CEP85L: variants seen among roughly 807,000 people sequenced by gnomAD.
The protein encoded by CEP85L is centrosomal protein of 85 kDa-like.
In CEP85L, 60 loss-of-function variants were observed where a neutral mutation model predicts 100.3. That is an observed-to-expected ratio of 0.60 (90% CI 0.49 to 0.74). The LOEUF is 0.74. Among genes scored for constraint, CEP85L ranks in the 30% least tolerant of loss-of-function variants. CEP85L has a pLI of 0.00. For missense variants in CEP85L, 973 were observed against 936.2 expected (o/e 1.04, Z -0.51); for synonymous variants, 319 against 322.7 (o/e 0.99, Z 0.12).
At chr6:118,550,999 T>C (rs1395509130) in intron 3 of CEP85L, among the ~76,000 whole-genome samples, 2 of 151,740 alleles carry the variant, frequency 1.3e-5, no homozygotes, top group Non-Finnish European at 3.0e-5. Context: ...TTAAAAAAAA[T>C]AACACACCCC....
upstream of CEP85L, chr6:118,652,430 C>G: frequency 8.6e-7 from 1 of 1,161,422 alleles, no homozygotes; most frequent in Non-Finnish European, 1.1e-6. Flanking sequence ...GGTGATGCTT[C>G]CAACGTTTAG....
intron 1 of CEP85L, among the ~76,000 whole-genome samples, chr6:118,689,783 T>C (rs1381256282): frequency 6.6e-6 from 1 of 152,196 alleles, no homozygotes; most frequent in Non-Finnish European, 1.5e-5. Flanking sequence ...AGAGATGAAT[T>C]GCAATAGTGA....
At chr6:118,489,428 A>T (rs1316410460) in intron 6 of CEP85L, among the ~76,000 whole-genome samples, 1 of 152,206 alleles carries the variant, frequency 6.6e-6, no homozygotes, top group East Asian at 1.9e-4. Flanking sequence ...AAAGCATAAG[A>T]AAGTACAGTT....
intron 2 of CEP85L, among the ~76,000 whole-genome samples, chr6:118,593,600 C>T (rs1781307734): frequency 1.3e-5 from 2 of 151,820 alleles, no homozygotes; most frequent in Admixed American, 1.3e-4. Context: ...CAATCACCTC[C>T]CACCAGGCCC....
At chr6:118,638,826 A>G (rs771910378) in intron 1 of CEP85L, among the ~76,000 whole-genome samples, 1 of 152,162 alleles carries the variant, frequency 6.6e-6, no homozygotes, top group Non-Finnish European at 1.5e-5. Flanking sequence ...GATTAGCATT[A>G]AATAAAAAAG....
intron 10 of CEP85L, among the ~76,000 whole-genome samples, chr6:118,477,344 T>C (rs1478137492): frequency 6.6e-6 from 1 of 152,166 alleles, no homozygotes; most frequent in African/African-American, 2.4e-5. Context: ...ACAAATATAG[T>C]ATAACTAGTA....
In CEP85L at chr6:118,680,681, G is replaced by A. The variant is rs553867708; in HGVS notation, c.-27-27873C>T. On this transcript the variant is annotated intron_variant, in intron 1 of 13. Transcript: ENST00000368488. The stretch of plus-strand genomic sequence containing the variant: ...AGCTTCAGCCCAGGAGTTGGAGACC[G>A]GCCTGGGCAACATGGCAAAACCCTG... Among the ~76,000 whole-genome samples the A allele has an allele frequency of 6.3e-4, 96 of 151,384 alleles. No homozygotes were observed. In the South Asian group the frequency reaches 0.011, roughly 17 times the overall value.
intron 1 of CEP85L, among the ~76,000 whole-genome samples, chr6:118,702,107 A>C (rs1777430581): frequency 6.6e-6 from 1 of 151,964 alleles, no homozygotes; most frequent in Non-Finnish European, 1.5e-5. Context: ...ACTTTGGAAT[A>C]GTAGGGCTTT....
intron 1 of CEP85L, among the ~76,000 whole-genome samples, chr6:118,680,815 G>A (rs2638544): frequency 0.45 from 68,691 of 151,612 alleles, 16,194 homozygotes; most frequent in African/African-American, 0.57. Flanking sequence ...GGTCGAGGCT[G>A]CAGTGAGCCA....
At chr6:118,512,587 C>T (rs1197810276) in intron 4 of CEP85L, among the ~76,000 whole-genome samples, 1 of 151,942 alleles carries the variant, frequency 6.6e-6, no homozygotes, top group Admixed American at 6.6e-5. Flanking sequence ...GCCAGAGATG[C>T]TACTAAATGT....
intron 3 of CEP85L, 100 bp from the exon 4 acceptor site, chr6:118,524,020 C>A: frequency 2.1e-6 from 1 of 482,366 alleles, no homozygotes; most frequent in Non-Finnish European, 3.5e-6. Flanking sequence ...AAAAAAAGAA[C>A]TCCCTCTTTG....
intron 2 of CEP85L, among the ~76,000 whole-genome samples, chr6:118,602,698 T>C (rs1781845528): frequency 6.6e-6 from 1 of 152,242 alleles, no homozygotes; most frequent in South Asian, 2.1e-4. Context: ...GTAAGACCGA[T>C]ATGCTTTATA....
At position 118,622,847 on chromosome 6, in the gene CEP85L, G is replaced by A. The variant is rs143768654; in HGVS notation, c.232+9606C>T. On this transcript the variant is annotated intron_variant, in intron 2 of 12. Transcript: ENST00000368491. ...GGAGAAGCAGCAGAAGGAAACTGCC[G>A]AGGAGATGCTGAGGCCAAAACTGCT... Among the ~76,000 whole-genome samples, 151 of 152,326 alleles carry A rather than the reference G, an allele frequency of 9.9e-4. 1 individual carries two copies. The highest frequency in any genetic ancestry group is 3.5e-3 in the African/African-American group (145 of 41,568).
intron 2 of CEP85L, among the ~76,000 whole-genome samples, chr6:118,626,090 G>A (rs1773772798): frequency 6.6e-6 from 1 of 152,146 alleles, no homozygotes; most frequent in Non-Finnish European, 1.5e-5. Context: ...GGGGTGTCCT[G>A]TTTAGAGGGG....
intron 3 of CEP85L, among the ~76,000 whole-genome samples, chr6:118,546,758 G>A (rs1238814110): frequency 6.6e-6 from 1 of 151,868 alleles, no homozygotes; most frequent in Non-Finnish European, 1.5e-5. Flanking sequence ...AATCATCATT[G>A]GTAACTGATA....
At chr6:118,533,972 A>T (rs1396045131) in intron 3 of CEP85L, among the ~76,000 whole-genome samples, 1 of 151,786 alleles carries the variant, frequency 6.6e-6, no homozygotes. Flanking sequence ...GCTCATGCCT[A>T]TAATCCCAGC....
intron 5 of CEP85L, chr6:118,501,472 T>G (rs1379581219): frequency 5.0e-5 from 21 of 418,644 alleles, no homozygotes. Flanking sequence ...AAGATCCAAG[T>G]GCTCTTTTCG....
At chr6:118,686,228 G>A (rs558898303) in intron 1 of CEP85L, among the ~76,000 whole-genome samples, 12 of 151,620 alleles carry the variant, frequency 7.9e-5, no homozygotes, top group East Asian at 1.9e-4. Context: ...CTTTATTGAC[G>A]TATCATTTAA....
intron 5 of CEP85L, among the ~76,000 whole-genome samples, chr6:118,497,413 C>T (rs945293732): frequency 1.3e-5 from 2 of 152,080 alleles, no homozygotes; most frequent in Non-Finnish European, 2.9e-5. Context: ...CAGATGAGAC[C>T]GTCTAGTTGT....
Sources: gnomAD v4.1 joint callset for allele counts (sites outside exome capture counted in the v4.1 genomes callset) on GRCh38, gnomAD v4.1.1 for gene constraint, MANE v1.5 for transcripts, NCBI Gene and HGNC (gene_info 2026-07-23, HGNC 2026-07-21) for gene names.